The following DPYD variants were observed in gnomAD, a reference collection of about 807,000 sequenced individuals.
The protein encoded by DPYD is dihydropyrimidine dehydrogenase [NADP(+)].
DPYD carries 109 observed loss-of-function variants against 116.2 expected under a neutral mutation model. That is an observed-to-expected ratio of 0.94 (90% CI 0.80 to 1.10). DPYD has a LOEUF of 1.10. Ranked by LOEUF, DPYD falls within the 50% of genes least tolerant of loss-of-function variation. The probability of loss-of-function intolerance (pLI) is 0.00; values close to 1 mark genes in which losing one functional copy is unlikely to be tolerated. For synonymous variants in DPYD, 440 were observed against 432.0 expected (o/e 1.02, Z -0.23); for missense variants, 1,302 against 1,254.5 (o/e 1.04, Z -0.57).
At chr1:97,461,586 G>GA (rs957368715) in intron 13 of DPYD, among the ~76,000 whole-genome samples, 13 of 152,042 alleles carry the variant, frequency 8.6e-5, no homozygotes, top group African/African-American at 2.7e-4. Flanking sequence ...TTCAGCTAAT[G>GA]AAAAATCATT....
intron 14 of DPYD, among the ~76,000 whole-genome samples, chr1:97,389,909 T>C (rs1416209463): frequency 6.6e-6 from 1 of 151,952 alleles, no homozygotes; most frequent in Non-Finnish European, 1.5e-5. Context: ...TGTCATCCTT[T>C]GAAATTTTAA....
rs761991197 is a variant in DPYD at position 97,593,332 on chromosome 1, A to C, written c.1014T>G (p.Leu338=). Residue 338 remains leucine, a synonymous_variant, in exon 10 of 23, where the codon CTT becomes CTG. Coordinates refer to ENST00000370192, the MANE Select transcript of DPYD (RefSeq NM_000110.4). The part of the protein sequence containing the change: ...LPSIRGVVIV[L]GAGDTAFDCA... ...AGTCAAAGGCAGTGTCTCCAGCTCC[A>C]AGTACAATCACGACTCCCCGTATCG... 3.7e-6 allele frequency: 6 copies of C among 1,614,122 alleles called. No individual in the cohort carries two copies. The South Asian group carries it at 6.6e-5, about 18-fold the overall frequency.
intron 18 of DPYD, among the ~76,000 whole-genome samples, chr1:97,280,380 T>G (rs796686241): frequency 1.3e-5 from 2 of 152,250 alleles, no homozygotes; most frequent in African/African-American, 4.8e-5. Flanking sequence ...ATCCAAAAGA[T>G]AATGCAATCA....
intron 7 of DPYD, among the ~76,000 whole-genome samples, chr1:97,689,550 T>C (rs756888789): frequency 1.3e-5 from 2 of 152,050 alleles, no homozygotes; most frequent in Non-Finnish European, 2.9e-5. Flanking sequence ...CATACATACA[T>C]ATATAAGAGA....
At chr1:97,398,563 C>G (rs1673152508) in intron 14 of DPYD, among the ~76,000 whole-genome samples, 1 of 152,170 alleles carries the variant, frequency 6.6e-6, no homozygotes, top group Non-Finnish European at 1.5e-5. Flanking sequence ...GTCCCACCAA[C>G]AGTGTAATAG....
Position 97,100,352 on chromosome 1 carries a change from C to G in DPYD, c.2623-1720G>C, listed in dbSNP as rs544429202. Among the ~76,000 whole-genome samples, 8 of 152,068 alleles carry G rather than the reference C, an allele frequency of 5.3e-5. No individual in the cohort carries two copies. In the South Asian group the frequency reaches 1.7e-3, roughly 32 times the overall value. On this transcript the variant is annotated intron_variant, in intron 20 of 22. Transcript: ENST00000370192. Reference sequence around the variant, plus strand: ...GGTCAGATAACACCACATAAGGTGGCGAGCACACGTCCACATGATATAAAT... The same window carrying G: ...GGTCAGATAACACCACATAAGGTGGGGAGCACACGTCCACATGATATAAAT...
chr1:97,630,798 C>T (rs1657213909), intron 8 of DPYD, among the ~76,000 whole-genome samples: 1 of 152,052 alleles, frequency 6.6e-6, no homozygotes, highest in Non-Finnish European at 1.5e-5. Context: ...AGGGATAAGC[C>T]TTCCACTTTG....
intron 18 of DPYD, among the ~76,000 whole-genome samples, chr1:97,286,374 T>A (rs1326491050): frequency 6.6e-6 from 1 of 152,208 alleles, no homozygotes; most frequent in Non-Finnish European, 1.5e-5. Flanking sequence ...ATTTCAATTT[T>A]GGTGAATCTG....
chr1:97,842,488 T>A (rs1040586262), intron 2 of DPYD, among the ~76,000 whole-genome samples: 5 of 152,080 alleles, frequency 3.3e-5, no homozygotes, highest in African/African-American at 1.2e-4. Context: ...GAAGACATTT[T>A]AATACAATTG....
chr1:97,551,783 G>C (rs2102093946), intron 11 of DPYD, among the ~76,000 whole-genome samples: 1 of 152,058 alleles, frequency 6.6e-6, no homozygotes, highest in East Asian at 1.9e-4. Context: ...CCACATCTGA[G>C]GATTCAATCA....
intron 16 of DPYD, among the ~76,000 whole-genome samples, chr1:97,363,348 T>C (rs557871596): frequency 1.3e-5 from 2 of 152,302 alleles, no homozygotes; most frequent in Non-Finnish European, 2.9e-5. Flanking sequence ...CTTTATACTG[T>C]TGGTGAGACT....
chr1:97,683,088 G>T (rs966004520), intron 7 of DPYD, among the ~76,000 whole-genome samples: 1 of 151,894 alleles, frequency 6.6e-6, no homozygotes, highest in African/African-American at 2.4e-5. Context: ...AATAGGTGAT[G>T]CCCATTATTT....
chr1:97,524,735 C>T (rs1289816746), intron 12 of DPYD, among the ~76,000 whole-genome samples: 1 of 152,070 alleles, frequency 6.6e-6, no homozygotes, highest in Non-Finnish European at 1.5e-5. Flanking sequence ...GGATGTTATC[C>T]TTCTTGATGG....
intron 19 of DPYD, among the ~76,000 whole-genome samples, chr1:97,206,611 T>A (rs1659617101): frequency 1.5e-5 from 2 of 137,466 alleles, no homozygotes; most frequent in South Asian, 4.7e-4. Flanking sequence ...CGAAGGCAAC[T>A]GGCTTTCATG....
At chr1:97,367,644 C>T (rs1671105989) in intron 16 of DPYD, among the ~76,000 whole-genome samples, 1 of 152,054 alleles carries the variant, frequency 6.6e-6, no homozygotes, top group South Asian at 2.1e-4. Flanking sequence ...TCCTTATTTG[C>T]CTGTAAAGCT....
chr1:97,251,871 G>C (rs1221604801), intron 18 of DPYD, among the ~76,000 whole-genome samples: 1 of 152,136 alleles, frequency 6.6e-6, no homozygotes, highest in Non-Finnish European at 1.5e-5. Context: ...TTTGCTGACT[G>C]TAGTGCTAAG....
rs1351033238 is a variant in DPYD, at chr1:97,828,202, A to G, written c.151-6T>C. ...TTCTCCAGCTTCTCACAATTCTGCA[A>G]CATATTTAAAAATTGCATTAATTCT... On this transcript the variant is annotated splice_polypyrimidine_tract_variant and splice_region_variant and intron_variant, in intron 2 of 22. Coordinates refer to ENST00000370192, the MANE Select transcript of DPYD (RefSeq NM_000110.4). 6.2e-7 allele frequency: 1 copy of G among 1,612,536 alleles called. No individual in the cohort carries two copies. The highest frequency in any genetic ancestry group is 8.5e-7 in the Non-Finnish European group (1 of 1,179,490).
At chr1:97,710,334 T>C (rs1662213181) in intron 5 of DPYD, among the ~76,000 whole-genome samples, 1 of 151,848 alleles carries the variant, frequency 6.6e-6, no homozygotes, top group African/African-American at 2.4e-5. Flanking sequence ...TGTTTCCTTT[T>C]GTAAGACAAG....
At chr1:97,290,908 A>C (rs71656184) in intron 18 of DPYD, among the ~76,000 whole-genome samples, 16,103 of 151,686 alleles carry the variant, frequency 0.11, 1,516 homozygotes, top group African/African-American at 0.26. Context: ...CAACCTACAA[A>C]ATGGGAGAAA....
Sources: gnomAD v4.1 joint callset for allele counts (sites outside exome capture counted in the v4.1 genomes callset) on GRCh38, gnomAD v4.1.1 for gene constraint, MANE v1.5 for transcripts, NCBI Gene and HGNC (gene_info 2026-07-23, HGNC 2026-07-21) for gene names.